MYO9A: variants seen among roughly 807,000 people sequenced by gnomAD.
The protein encoded by MYO9A is myosin IXA, also known as unconventional myosin-IXa.
In MYO9A, 103 loss-of-function variants were observed where a neutral mutation model predicts 293.3. That is an observed-to-expected ratio of 0.35 (90% CI 0.30 to 0.41). The LOEUF (loss-of-function observed/expected upper bound fraction) is 0.41. Ranked by LOEUF, MYO9A falls within the 10% of genes least tolerant of loss-of-function variation. MYO9A has a pLI of 1.00. For synonymous variants in MYO9A, 1,001 were observed against 1,035.7 expected (o/e 0.97, Z 0.64); for missense variants, 2,685 against 3,033.0 (o/e 0.89, Z 2.69).
chr15:72,035,655 A>C (rs2078022765), intron 2 of MYO9A, among the ~76,000 whole-genome samples: 1 of 152,142 alleles, frequency 6.6e-6, no homozygotes, highest in South Asian at 2.1e-4. Flanking sequence ...GTTTTTAAAA[A>C]TTAGACCAGC....
At position 71,859,719 on chromosome 15, in the gene MYO9A, G is replaced by A; in HGVS notation, c.6153+16C>T. ...ACAGGTCTGTTATCTATTACTGATA[G>A]GTGATAATTTCTTACCTTTTTAGAG... On this transcript the variant is annotated intron_variant, in intron 34 of 41. Transcript: ENST00000356056. 2 of 1,598,368 alleles carry A rather than the reference G, an allele frequency of 1.3e-6. No homozygotes were observed. The highest frequency in any genetic ancestry group is 1.3e-5 in the African/African-American group (1 of 74,648).
At chr15:71,926,212 T>C (rs1415469268) in intron 18 of MYO9A, among the ~76,000 whole-genome samples, 1 of 152,156 alleles carries the variant, frequency 6.6e-6, no homozygotes, top group East Asian at 1.9e-4. Flanking sequence ...TCCAGTACTA[T>C]GTTGGTGCCA....
chr15:71,978,988 G>C (rs757917614), intron 11 of MYO9A, among the ~76,000 whole-genome samples: 1 of 152,028 alleles, frequency 6.6e-6, no homozygotes, highest in African/African-American at 2.4e-5. Flanking sequence ...ATGTAAAGGA[G>C]ATATGTTTCT....
intron 18 of MYO9A, among the ~76,000 whole-genome samples, chr15:71,922,675 GT>G (rs969735029): frequency 6.6e-6 from 1 of 151,994 alleles, no homozygotes; most frequent in African/African-American, 2.4e-5. Context: ...GCTTTTTGTT[GT>G]TGTTATGGTT....
At position 72,094,808 on chromosome 15, in the gene MYO9A, C is replaced by T. The variant is rs1426793257; in HGVS notation, c.-72+22872G>A. Among the ~76,000 whole-genome samples, 5 of 92,036 alleles carry T rather than the reference C, an allele frequency of 5.4e-5. 1 individual carries two copies. The highest frequency in any genetic ancestry group is 2.4e-4 in the Admixed American group (2 of 8,436). The allele number at this position is 92,036 out of a possible 152,430, so 60.4% of individuals were successfully genotyped here. A position where few individuals can be genotyped will look rare whatever the true frequency, so the allele number is the denominator to read the frequency against. The stretch of plus-strand genomic sequence containing the variant: ...TGTATTACAGGTGTAAGCCGCCACA[C>T]CTAGCTTCAAACTTTTTTATTATTA... On this transcript the variant is annotated intron_variant, in intron 1 of 41. Coordinates refer to ENST00000356056, the MANE Select transcript of MYO9A (RefSeq NM_006901.4).
intron 39 of MYO9A, among the ~76,000 whole-genome samples, chr15:71,843,016 A>G (rs143202823): frequency 6.6e-6 from 1 of 152,138 alleles, no homozygotes; most frequent in African/African-American, 2.4e-5. Flanking sequence ...AGACAGCTTA[A>G]ATTATATTGT....
intron 12 of MYO9A, among the ~76,000 whole-genome samples, chr15:71,975,954 C>G (rs546848612): frequency 1.3e-5 from 2 of 152,174 alleles, no homozygotes; most frequent in African/African-American, 4.8e-5. Flanking sequence ...CTCCTTCCCC[C>G]ACACCTCGTC....
At chr15:72,013,834 T>C (rs757560618) in intron 6 of MYO9A, among the ~76,000 whole-genome samples, 2 of 152,118 alleles carry the variant, frequency 1.3e-5, no homozygotes, top group Non-Finnish European at 2.9e-5. Flanking sequence ...TGAGATGGAG[T>C]CTCACTCTGT....
chr15:71,980,525 C>T (rs968649290), intron 11 of MYO9A, among the ~76,000 whole-genome samples: 5 of 152,066 alleles, frequency 3.3e-5, no homozygotes, highest in Admixed American at 2.6e-4. Context: ...CCTTGTATGA[C>T]GTGCTTGTAT....
At chr15:71,883,834 T>C (rs1467986941) in intron 27 of MYO9A, 98 bp from the exon 28 acceptor site, 1 of 1,058,836 alleles carries the variant, frequency 9.4e-7, no homozygotes. Context: ...CTATGTATAT[T>C]AGCTCATTTA....
intron 1 of MYO9A, among the ~76,000 whole-genome samples, chr15:72,107,493 G>C (rs1008802050): frequency 6.6e-6 from 1 of 152,148 alleles, no homozygotes. Context: ...AAGTTGCAGT[G>C]AGCCAAAATC....
intron 14 of MYO9A, among the ~76,000 whole-genome samples, chr15:71,953,873 T>TTTTTGTTTTGTTTTGTTTTG (rs141349966): frequency 1.0e-4 from 15 of 147,428 alleles, no homozygotes; most frequent in Middle Eastern, 3.2e-3. Context: ...ATCAACTGTT[T>TTTTTGTTTTGTTTTGTTTTG]TTTTGTTTTG....
At chr15:71,931,275 G>A (rs563326755) in intron 18 of MYO9A, among the ~76,000 whole-genome samples, 2 of 152,328 alleles carry the variant, frequency 1.3e-5, no homozygotes, top group African/African-American at 2.4e-5. Flanking sequence ...AACTCTACTT[G>A]TAAGTCAGGT....
intron 1 of MYO9A, among the ~76,000 whole-genome samples, chr15:72,079,716 T>G (rs1387344467): frequency 6.6e-6 from 1 of 152,184 alleles, no homozygotes; most frequent in Non-Finnish European, 1.5e-5. Context: ...TATGTCTTGA[T>G]CTCTCTTAAG....
intron 9 of MYO9A, among the ~76,000 whole-genome samples, chr15:71,995,561 CA>C (rs759642698): frequency 0.066 from 5,646 of 85,208 alleles, 131 homozygotes; most frequent in Admixed American, 0.14. Flanking sequence ...CATAAATTTA[CA>C]AAAAAAAAAA....
chr15:71,853,836 C>T (rs1414049562), intron 35 of MYO9A, among the ~76,000 whole-genome samples: 1 of 152,072 alleles, frequency 6.6e-6, no homozygotes, highest in African/African-American at 2.4e-5. Flanking sequence ...GGAAAGAGTA[C>T]CCCTTGGAGT....
chr15:71,862,403 G>T, intron 33 of MYO9A, 97 bp downstream of exon 33: 1 of 918,020 alleles, frequency 1.1e-6, no homozygotes, highest in Non-Finnish European at 1.8e-6. Context: ...TTTAGGTAGT[G>T]TAAATAACTC....
In MYO9A at chr15:72,001,446, C is replaced by T. The variant is rs1221471753; in HGVS notation, c.1381-1506G>A. Among the ~76,000 whole-genome samples the T allele has an allele frequency of 2.7e-5, 4 of 147,694 alleles. No individual in the cohort carries two copies. The Admixed American group carries it at 2.8e-4, about 10-fold the overall frequency. On this transcript the variant is annotated intron_variant, in intron 8 of 41. Transcript: ENST00000356056. ...GTGCACACCTGTAATCACAGCTACTCGGGTGGCTGAGGCAGGAGAATCACT... is the reference window on the plus strand; with the variant it reads ...GTGCACACCTGTAATCACAGCTACTTGGGTGGCTGAGGCAGGAGAATCACT...
chr15:71,851,234 C>T lies in MYO9A; in HGVS notation c.6581+19G>A. 1.9e-6 allele frequency: 3 copies of T among 1,574,746 alleles called. No individual in the cohort carries two copies. The highest frequency in any genetic ancestry group is 2.6e-6 in the Non-Finnish European group (3 of 1,148,302). ...CAAGAGAAACTATTAAAAATCGTTCCCTTGCTTCTTAAAGTTACCTGACTA... is the reference window on the plus strand; with the variant it reads ...CAAGAGAAACTATTAAAAATCGTTCTCTTGCTTCTTAAAGTTACCTGACTA... On this transcript the variant is annotated intron_variant, in intron 37 of 41. Transcript: ENST00000356056.
Sources: allele counts gnomAD v4.1 joint callset (sites outside exome capture counted in the v4.1 genomes callset), GRCh38; gene constraint gnomAD v4.1.1; transcripts MANE v1.5; gene names NCBI Gene and HGNC (gene_info 2026-07-23, HGNC 2026-07-21).